The following MYO5C variants were observed in gnomAD, a reference collection of about 807,000 sequenced individuals.
MYO5C encodes unconventional myosin-Vc.
A neutral mutation model predicts 235.7 loss-of-function variants in MYO5C; 194 were observed. The ratio of observed to expected loss-of-function variants is 0.82; its 90% CI spans 0.73 to 0.93. MYO5C has a LOEUF of 0.93. Ranked by LOEUF, MYO5C falls within the 40% of genes least tolerant of loss-of-function variation. MYO5C has a pLI of 0.00. For synonymous variants in MYO5C, 707 were observed against 754.8 expected, an observed-to-expected ratio of 0.94 and a Z score of 1.04; for missense variants, 2,038 against 2,127.2, an observed-to-expected ratio of 0.96 and a Z score of 0.82.
chr15:52,238,647 G>A (rs1279388107), intron 21 of MYO5C, among the ~76,000 whole-genome samples: 1 of 151,844 alleles, frequency 6.6e-6, no homozygotes, highest in Non-Finnish European at 1.5e-5. Flanking sequence ...TTTCTTTTTT[G>A]CCTGTTTTTT....
rs550414946 is a variant in MYO5C at position 52,255,894 on chromosome 15, T to A, written c.1395+745A>T. On this transcript the variant is annotated intron_variant, in intron 11 of 40. Transcript: ENST00000261839. ...AAATCTTCCCAGTGGAAAAAAAAAA[T>A]TGGAATCCATCTCCTGTCTGTTTCC... is the stretch of plus-strand genomic sequence containing the variant. Among the ~76,000 whole-genome samples the A allele has an allele frequency of 1.6e-4, 25 of 152,072 alleles. No homozygotes were observed. The South Asian group carries it at 3.1e-3, about 19-fold the overall frequency.
At chr15:52,250,678 G>A (rs563133915) in intron 13 of MYO5C, among the ~76,000 whole-genome samples, 3 of 152,280 alleles carry the variant, frequency 2.0e-5, no homozygotes, top group East Asian at 1.9e-4. Context: ...CGGCCTCTGC[G>A]ATAAACATAG....
intron 21 of MYO5C, among the ~76,000 whole-genome samples, 161 bp from the exon 22 acceptor site, chr15:52,237,807 GA>G (rs887840809): frequency 3.1e-4 from 47 of 152,180 alleles, no homozygotes; most frequent in African/African-American, 1.0e-3. Context: ...TCTTTGTGGT[GA>G]AACAGTATGG....
chr15:52,204,649 G>A (rs2035259503), intron 38 of MYO5C, among the ~76,000 whole-genome samples: 1 of 152,102 alleles, frequency 6.6e-6, no homozygotes. Context: ...AAGCGGCTAG[G>A]CCAGTCCATC....
chr15:52,282,158 C>T (rs768647802), intron 2 of MYO5C, among the ~76,000 whole-genome samples: 1 of 152,180 alleles, frequency 6.6e-6, no homozygotes, highest in Non-Finnish European at 1.5e-5. Context: ...TCATCCTCAC[C>T]TCCCCCTCAC....
intron 25 of MYO5C, among the ~76,000 whole-genome samples, chr15:52,227,432 C>G (rs951426911): frequency 6.6e-6 from 1 of 150,974 alleles, no homozygotes; most frequent in Non-Finnish European, 1.5e-5. Flanking sequence ...CTCCTGACCT[C>G]GTGATCCGCC....
intron 5 of MYO5C, among the ~76,000 whole-genome samples, chr15:52,274,678 C>CCT (rs1055434950): frequency 2.0e-5 from 3 of 147,494 alleles, no homozygotes; most frequent in Non-Finnish European, 3.0e-5. Flanking sequence ...GTACCCCCCC[C>CCT]CCGACATATG....
chr15:52,231,017 G>A (rs983536631), intron 24 of MYO5C, among the ~76,000 whole-genome samples: 6 of 151,540 alleles, frequency 4.0e-5, no homozygotes, highest in African/African-American at 1.2e-4. Flanking sequence ...TAGTAGATAC[G>A]GGGTTTCACC....
chr15:52,223,139 A>G (rs1056600629), intron 29 of MYO5C, among the ~76,000 whole-genome samples: 9 of 91,596 alleles, frequency 9.8e-5, no homozygotes, highest in African/African-American at 3.0e-4. Context: ...ACAGAGTGAG[A>G]CTTCATCTCA....
At chr15:52,228,585 G>A (rs1245970907) in intron 25 of MYO5C, among the ~76,000 whole-genome samples, 1 of 152,080 alleles carries the variant, frequency 6.6e-6, no homozygotes, top group African/African-American at 2.4e-5. Flanking sequence ...AATATATTGT[G>A]GAATAATTCA....
intron 18 of MYO5C, among the ~76,000 whole-genome samples, chr15:52,244,875 T>C (rs1216488726): frequency 6.6e-6 from 1 of 152,240 alleles, no homozygotes; most frequent in African/African-American, 2.4e-5. Flanking sequence ...GTCTCCACAT[T>C]GGAGTAGAAG....
chr15:52,257,010 T>C (rs1207661124), intron 10 of MYO5C: 2 of 247,560 alleles, frequency 8.1e-6, no homozygotes, highest in African/African-American at 4.4e-5. Context: ...ACAGTGATAT[T>C]GGCAATTATT....
chr15:52,291,413 G>C (rs1021933742), intron 1 of MYO5C, among the ~76,000 whole-genome samples: 1 of 152,144 alleles, frequency 6.6e-6, no homozygotes, highest in Non-Finnish European at 1.5e-5. Flanking sequence ...GTATCTCTGT[G>C]CCTTCAACTC....
rs541966027 is a variant in MYO5C at position 52,295,652 on chromosome 15, G to C, written c.-16C>G. 15 of 1,449,946 alleles carry C rather than the reference G, an allele frequency of 1.0e-5. No individual in the cohort carries two copies. In the African/African-American group the frequency reaches 2.1e-4, roughly 20 times the overall value. 89.8% of individuals were successfully genotyped at this position (1,449,946 alleles called of 1,614,324 possible). A position where few individuals can be genotyped will look rare whatever the true frequency, so the allele number is the denominator to read the frequency against. On this transcript the variant is annotated 5_prime_UTR_variant, in exon 1 of 41. Transcript: ENST00000261839. ...CCACCGCCATGGGCAGGAGGGGCCG[G>C]GGCCAGGCCGGGGCTGCCGAACGTG...
intron 3 of MYO5C, 149 bp from the exon 4 acceptor site, chr15:52,279,166 G>A (rs998263745): frequency 8.5e-6 from 7 of 825,272 alleles, no homozygotes; most frequent in Non-Finnish European, 1.1e-5. Context: ...TTAATTCCCT[G>A]CCAGTCACCT....
chr15:52,194,609 C>CA (rs1180024239), intron 40 of MYO5C, among the ~76,000 whole-genome samples: 1 of 152,054 alleles, frequency 6.6e-6, no homozygotes, highest in African/African-American at 2.4e-5. Flanking sequence ...ATAAGCTCTA[C>CA]ACATGTTAAA....
chr15:52,248,843 C>A (rs1173925683), intron 13 of MYO5C, 60 bp from the exon 14 acceptor site: 1 of 1,093,746 alleles, frequency 9.1e-7, no homozygotes, highest in Non-Finnish European at 1.4e-6. Flanking sequence ...CCTCTAAGCA[C>A]AAGTTTCATC....
chr15:52,246,583 G>T (rs528663225), intron 16 of MYO5C, among the ~76,000 whole-genome samples: 4 of 152,302 alleles, frequency 2.6e-5, no homozygotes, highest in African/African-American at 9.6e-5. Context: ...AATGCCTCAT[G>T]CCATCATGTC....
chr15:52,225,459 G>T lies in MYO5C; in HGVS notation c.3281C>A (p.Ser1094Ter). ...QKIDVEKHVQ[S>*]QKREMREKMS... ...ATTACCTCTCATTTCCCGTTTTTGT[G>T]ACTGCACATGTTTCTCCACATCTAT... The change falls in exon 26 of 41, where the codon TCA becomes TAA. Residue 1094 changes from serine (S) to a stop codon, truncating the protein, a stop_gained. Transcript: ENST00000261839. LOFTEE classifies it high-confidence loss of function. 1.2e-6 allele frequency: 2 copies of T among 1,613,338 alleles called. No individual in the cohort carries two copies. Among genetic ancestry groups the T allele is most frequent in the South Asian group, 2.2e-5 (2 of 91,030 alleles).
Sources: gnomAD v4.1 joint callset for allele counts (sites outside exome capture counted in the v4.1 genomes callset) on GRCh38, gnomAD v4.1.1 for gene constraint, MANE v1.5 for transcripts, NCBI Gene and HGNC (gene_info 2026-07-23, HGNC 2026-07-21) for gene names.